RC3H2: variants seen among roughly 807,000 people sequenced by gnomAD.
RC3H2 encodes roquin-2.
Under a neutral mutation model 133.3 loss-of-function variants are expected in RC3H2, and 31 were observed. That is an observed-to-expected ratio of 0.23 (90% confidence interval 0.17 to 0.31). RC3H2 has a LOEUF of 0.31. Ranked by LOEUF, RC3H2 falls within the 10% of genes least tolerant of loss-of-function variation. The pLI is 1.00. For synonymous variants in RC3H2, 517 were observed against 502.2 expected, an observed-to-expected ratio of 1.03 and a Z score of -0.40; for missense variants, 1,175 against 1,437.2, an observed-to-expected ratio of 0.82 and a Z score of 2.95.
Position 122,851,621 on chromosome 9 carries a change from A to C in RC3H2, c.3118-185T>G, listed in dbSNP as rs556765537. 191 of 770,556 alleles carry C rather than the reference A, an allele frequency of 2.5e-4. 1 individual carries two copies. The highest frequency in any genetic ancestry group is 1.6e-3 in the Middle Eastern group (4 of 2,462). The allele number at this position is 770,556 out of a possible 1,614,324, so 47.7% of individuals were successfully genotyped here. On this transcript the variant is annotated intron_variant, in intron 18 of 20. Coordinates refer to ENST00000357244, the MANE Select transcript of RC3H2 (RefSeq NM_001100588.3). ...GCCTGATTCTCCTGCCTCAGCCTGCAGAGTGCCTGCAATTGCAGGCGCGCG... is the reference window on the plus strand; with the variant it reads ...GCCTGATTCTCCTGCCTCAGCCTGCCGAGTGCCTGCAATTGCAGGCGCGCG...
chr9:122,858,415 T>C (rs1830331954), intron 12 of RC3H2, among the ~76,000 whole-genome samples: 1 of 152,240 alleles, frequency 6.6e-6, no homozygotes, highest in South Asian at 2.1e-4. Flanking sequence ...AAATATAACA[T>C]TTATTGAGCA....
chr9:122,902,528 A>T (rs1214772049), intron 1 of RC3H2, among the ~76,000 whole-genome samples: 1 of 152,218 alleles, frequency 6.6e-6, no homozygotes, highest in East Asian at 1.9e-4. Context: ...GTAATTTTTA[A>T]TTTTCTGGTA....
intron 20 of RC3H2, 31 bp from the exon 21 acceptor site, chr9:122,849,853 A>G (rs747976928): frequency 7.7e-6 from 11 of 1,433,906 alleles, no homozygotes; most frequent in Non-Finnish European, 1.0e-5. Flanking sequence ...TTAAAAACAA[A>G]TTAGCTTTAA....
Position 122,853,995 on chromosome 9 carries a change from G to A in RC3H2, c.3074C>T (p.Thr1025Ile). ...AATTTCCTTGCTTAAAAGGTTTAAGGTAAGGTGACGGCCTTCATCCAGGGA... is the reference window on the plus strand; with the variant it reads ...AATTTCCTTGCTTAAAAGGTTTAAGATAAGGTGACGGCCTTCATCCAGGGA... ...WNSLDEGRHL[T>I]LNLLSKEIEL... Residue 1025 changes from threonine to isoleucine, a missense_variant, in exon 18 of 21, where the codon ACC (threonine) becomes ATC (isoleucine). Around this residue, in one of 8 missense-constraint regions of RC3H2, gnomAD observed 220 missense variants for 201.1 expected, o/e 1.09. Transcript: ENST00000357244. 1 of 1,614,186 alleles carries A rather than the reference G, an allele frequency of 6.2e-7. No homozygotes were observed. The highest frequency in any genetic ancestry group is 8.5e-7 in the Non-Finnish European group (1 of 1,180,026).
chr9:122,885,524 A>G (rs1230579086), intron 4 of RC3H2, among the ~76,000 whole-genome samples: 1 of 152,236 alleles, frequency 6.6e-6, no homozygotes, highest in Non-Finnish European at 1.5e-5. Context: ...CTAGTTACCA[A>G]CAAAATTGGA....
intron 1 of RC3H2, among the ~76,000 whole-genome samples, chr9:122,901,012 A>G (rs943370058): frequency 2.0e-5 from 3 of 152,222 alleles, no homozygotes; most frequent in Admixed American, 1.3e-4. Context: ...GATTCAAATT[A>G]CAAACTGCTT....
chr9:122,850,003 G>C (rs1256770798), intron 20 of RC3H2, among the ~76,000 whole-genome samples, 181 bp from the exon 21 acceptor site: 1 of 152,166 alleles, frequency 6.6e-6, no homozygotes, highest in Non-Finnish European at 1.5e-5. Flanking sequence ...TTGAGACAGA[G>C]TCTCCCTCCG....
intron 9 of RC3H2, among the ~76,000 whole-genome samples, chr9:122,873,038 A>T (rs62580923): frequency 0.071 from 10,881 of 152,270 alleles, 453 homozygotes; most frequent in African/African-American, 0.1. Context: ...ACATATAATA[A>T]ATATGTATTC....
intron 10 of RC3H2, among the ~76,000 whole-genome samples, chr9:122,864,796 T>G (rs542850122): frequency 6.6e-6 from 1 of 152,166 alleles, no homozygotes; most frequent in African/African-American, 2.4e-5. Context: ...AATTTTTTTT[T>G]TGTATTTTTA....
chr9:122,849,573 G>T lies in RC3H2; in HGVS notation c.*54C>A. The T allele has an allele frequency of 1.1e-6, 1 of 890,628 alleles. No individual in the cohort carries two copies. Among genetic ancestry groups the T allele is most frequent in the Non-Finnish European group, 1.7e-6 (1 of 592,790 alleles). The allele number at this position is 890,628 out of a possible 1,614,324, so 55.2% of individuals were successfully genotyped here. ...ATAATATATATTATATATATAAAAAGCTAGTGTAAATGCTTCCATGGTGTG... is the reference window on the plus strand; with the variant it reads ...ATAATATATATTATATATATAAAAATCTAGTGTAAATGCTTCCATGGTGTG... On this transcript the variant is annotated 3_prime_UTR_variant, in exon 21 of 21. Transcript: ENST00000357244.
Position 122,846,775 on chromosome 9 carries a change from G to C in RC3H2, c.*2852C>G, listed in dbSNP as rs1829878375. On this transcript the variant is annotated 3_prime_UTR_variant, in exon 21 of 21. Transcript: ENST00000357244. ...CATCTTGTTGGTAAAAAGGCCAAAT[G>C]ACGGGAAATGCCTCAATTTTAAAAA... 1 of 152,120 alleles carries C rather than the reference G, an allele frequency of 6.6e-6. No individual in the cohort carries two copies. The highest frequency in any genetic ancestry group is 1.5e-5 in the Non-Finnish European group (1 of 67,994). 9.4% of individuals were successfully genotyped at this position (152,120 alleles called of 1,614,324 possible). A position where few individuals can be genotyped will look rare whatever the true frequency, so the allele number is the denominator to read the frequency against.
chr9:122,852,386 G>A (rs535781608), intron 18 of RC3H2, among the ~76,000 whole-genome samples: 2,440 of 142,692 alleles, frequency 0.017, 47 homozygotes, highest in African/African-American at 0.061. Flanking sequence ...CCCGGCAGCC[G>A]CCCCGTCCGG....
chr9:122,870,585 T>A (rs929281789), intron 9 of RC3H2, among the ~76,000 whole-genome samples: 1 of 152,212 alleles, frequency 6.6e-6, no homozygotes, highest in African/African-American at 2.4e-5. Flanking sequence ...TTGGGGCAGC[T>A]AAAGGCTGCC....
chr9:122,851,236 A>G lies in RC3H2; in HGVS notation c.3232-7T>C. ...GCTGTATGTCCAAGATCTCCTAAGA[A>G]AATAAAATGTTAATCCTTCAGTATG... On this transcript the variant is annotated splice_polypyrimidine_tract_variant and splice_region_variant and intron_variant, in intron 19 of 20. Transcript: ENST00000357244. 6.2e-7 allele frequency: 1 copy of G among 1,613,792 alleles called. No individual in the cohort carries two copies.
intron 2 of RC3H2, among the ~76,000 whole-genome samples, chr9:122,893,242 C>T (rs1320068204): frequency 6.6e-6 from 1 of 152,128 alleles, no homozygotes; most frequent in Admixed American, 6.6e-5. Flanking sequence ...GCCCGTAATC[C>T]CAGCACTTTG....
At chr9:122,868,239 T>A (rs1346187257) in intron 9 of RC3H2, among the ~76,000 whole-genome samples, 1 of 151,850 alleles carries the variant, frequency 6.6e-6, no homozygotes, top group Non-Finnish European at 1.5e-5. Context: ...GTCTGGGAGG[T>A]GTACCCAACA....
At chr9:122,894,864 T>C (rs1405084187) in intron 2 of RC3H2, among the ~76,000 whole-genome samples, 3 of 152,004 alleles carry the variant, frequency 2.0e-5, no homozygotes, top group Non-Finnish European at 4.4e-5. Context: ...TGGGTGACAG[T>C]GAGAGATTCC....
intron 5 of RC3H2, among the ~76,000 whole-genome samples, chr9:122,882,377 T>A (rs926657649): frequency 3.9e-5 from 6 of 152,218 alleles, no homozygotes; most frequent in Non-Finnish European, 1.5e-5. Flanking sequence ...CTACCTGTTA[T>A]CTCAAACTAA....
rs1829902865 is a variant in RC3H2 at position 122,847,854 on chromosome 9, A to G, written c.*1773T>C. The G allele has an allele frequency of 6.6e-6, 1 of 152,166 alleles. No homozygotes were observed. Among genetic ancestry groups the G allele is most frequent in the Non-Finnish European group, 1.5e-5 (1 of 67,992 alleles). The allele number at this position is 152,166 out of a possible 1,614,324, so 9.4% of individuals were successfully genotyped here. On this transcript the variant is annotated 3_prime_UTR_variant, in exon 21 of 21. Transcript: ENST00000357244. ...TCTTCATACATTTGAGTATTAAATA[A>G]ATGTGTAAGATCTTCCATACTGACA...
Sources: allele counts gnomAD v4.1 joint callset (sites outside exome capture counted in the v4.1 genomes callset), GRCh38; gene constraint gnomAD v4.1.1; regional missense constraint gnomAD v4.1.1; transcripts MANE v1.5; gene names NCBI Gene and HGNC (gene_info 2026-07-23, HGNC 2026-07-21).